The following ARMH3 variants were observed in gnomAD, a reference collection of about 807,000 sequenced individuals.
ARMH3 encodes the protein armadillo like helical domain containing 3.
Under a neutral mutation model 99.1 loss-of-function variants are expected in ARMH3, and 60 were observed. That is an observed-to-expected ratio of 0.61 (90% CI 0.49 to 0.75). The LOEUF is 0.75. Among genes scored for constraint, ARMH3 ranks in the 30% least tolerant of loss-of-function variants. The probability of loss-of-function intolerance (pLI) is 0.00; values close to 1 mark genes in which losing one functional copy is unlikely to be tolerated. For missense variants in ARMH3, 679 were observed against 843.1 expected, an observed-to-expected ratio of 0.81 and a Z score of 2.41; for synonymous variants, 285 against 292.8, an observed-to-expected ratio of 0.97 and a Z score of 0.27.
intron 23 of ARMH3, among the ~76,000 whole-genome samples, chr10:101,931,356 C>T (rs1269970954): frequency 6.6e-6 from 1 of 152,078 alleles, no homozygotes; most frequent in Non-Finnish European, 1.5e-5. Flanking sequence ...AACCCTGTCT[C>T]TACTAAAAAT....
Position 102,040,053 on chromosome 10 carries a change from AG to A in ARMH3, c.61del (p.Leu21Ter). On this transcript the variant is annotated frameshift_variant, in exon 2 of 26. Coordinates refer to ENST00000370033, the MANE Select transcript of ARMH3 (RefSeq NM_024541.3). LOFTEE classifies it high-confidence loss of function. ...ATACATCAGCACCACTTTTTCCTTC[AG>A]TGGTTTTTTGGAGGCTGAAGATTTC... is the stretch of plus-strand genomic sequence containing the variant. ...LRKSSASKKP[L>X]KEKVVLMYDE... The A allele has an allele frequency of 6.2e-7, 1 of 1,614,190 alleles. No individual in the cohort carries two copies. The highest frequency in any genetic ancestry group is 8.5e-7 in the Non-Finnish European group (1 of 1,180,028).
intron 5 of ARMH3, among the ~76,000 whole-genome samples, chr10:102,028,864 TAC>T (rs2067059144): frequency 6.6e-6 from 1 of 152,190 alleles, no homozygotes; most frequent in African/African-American, 2.4e-5. Flanking sequence ...CACTGGATTG[TAC>T]ACTTTATTTA....
At chr10:102,001,334 C>T (rs2066357143) in intron 15 of ARMH3, among the ~76,000 whole-genome samples, 1 of 152,126 alleles carries the variant, frequency 6.6e-6, no homozygotes, top group Admixed American at 6.5e-5. Context: ...TGCTGTGTCT[C>T]CTTCCAACCC....
intron 22 of ARMH3, 132 bp downstream of exon 22, chr10:101,956,465 A>G (rs535668736): frequency 1.4e-5 from 16 of 1,174,508 alleles, no homozygotes; most frequent in Admixed American, 2.4e-5. Context: ...GCCTGAGAAG[A>G]GGAGACTACT....
chr10:101,876,239 C>T lies in ARMH3; in HGVS notation c.1860+13173G>A, dbSNP rs556057534. Among the ~76,000 whole-genome samples the T allele has an allele frequency of 1.8e-4, 20 of 111,694 alleles. No individual in the cohort carries two copies. In the East Asian group the frequency reaches 4.8e-3, roughly 27 times the overall value. The allele number at this position is 111,694 out of a possible 152,430, so 73.3% of individuals were successfully genotyped here. On this transcript the variant is annotated intron_variant, in intron 24 of 25. Transcript: ENST00000370033. ...ACTCCAGCCTGGCGACAGAGCAAGG[C>T]TCCATCTCAAAAAAAAAAAAAAAAA...
intron 23 of ARMH3, among the ~76,000 whole-genome samples, chr10:101,917,553 T>C (rs540053107): frequency 7.2e-5 from 11 of 152,250 alleles, no homozygotes; most frequent in Non-Finnish European, 1.0e-4. Context: ...AAAGCCACTA[T>C]AAACATTTGT....
chr10:101,921,141 T>C (rs1201253562), intron 23 of ARMH3, among the ~76,000 whole-genome samples: 1 of 152,186 alleles, frequency 6.6e-6, no homozygotes, highest in Non-Finnish European at 1.5e-5. Context: ...CTTACCACAA[T>C]TTAAAATCTT....
chr10:102,051,128 C>T (rs774090722), intron 1 of ARMH3, among the ~76,000 whole-genome samples: 3 of 144,798 alleles, frequency 2.1e-5, no homozygotes, highest in Non-Finnish European at 3.0e-5. Flanking sequence ...GTACTCCACC[C>T]TGCTGGGCGA....
Position 101,990,480 on chromosome 10 carries a change from C to T in ARMH3, c.1406+71G>A. On this transcript the variant is annotated intron_variant, in intron 19 of 25. Transcript: ENST00000370033. ...GCCATGGCGCCCGGCCTACACAGAC[C>T]ATGAATTTTCTAACATTCAGTTCTT... The T allele has an allele frequency of 2.3e-6, 3 of 1,283,998 alleles. No individual in the cohort carries two copies. The East Asian group carries it at 7.0e-5, about 30-fold the overall frequency. 79.5% of individuals were successfully genotyped at this position (1,283,998 alleles called of 1,614,324 possible).
At chr10:101,884,426 A>G (rs1214857587) in intron 24 of ARMH3, among the ~76,000 whole-genome samples, 1 of 152,188 alleles carries the variant, frequency 6.6e-6, no homozygotes, top group Non-Finnish European at 1.5e-5. Context: ...TCAGTTGAAG[A>G]GGGGACAAGG....
At chr10:102,018,826 G>A (rs759917534) in intron 8 of ARMH3, among the ~76,000 whole-genome samples, 2 of 152,004 alleles carry the variant, frequency 1.3e-5, no homozygotes, top group African/African-American at 2.4e-5. Context: ...GCATGGTGGC[G>A]CATGCCTGTA....
At chr10:101,867,976 T>TAA (rs77797881) in intron 24 of ARMH3, among the ~76,000 whole-genome samples, 1 of 133,468 alleles carries the variant, frequency 7.5e-6, no homozygotes. Context: ...CTGTTTCTAT[T>TAA]AAAAAAAAAA....
At chr10:101,894,843 A>G (rs1052825429) in intron 23 of ARMH3, among the ~76,000 whole-genome samples, 5 of 147,974 alleles carry the variant, frequency 3.4e-5, no homozygotes, top group African/African-American at 5.0e-5. Flanking sequence ...ACTTCACTCC[A>G]GCCTGGGCAA....
At chr10:101,850,753 C>T (rs1318048557) in intron 24 of ARMH3, among the ~76,000 whole-genome samples, 1 of 152,132 alleles carries the variant, frequency 6.6e-6, no homozygotes, top group African/African-American at 2.4e-5. Flanking sequence ...TATTCCCTGC[C>T]TTTCCTGACC....
chr10:101,861,584 G>C (rs2066869761), intron 24 of ARMH3, among the ~76,000 whole-genome samples: 1 of 151,498 alleles, frequency 6.6e-6, no homozygotes, highest in Non-Finnish European at 1.5e-5. Flanking sequence ...ACAAAAATTA[G>C]CTGGGCATAG....
chr10:101,943,271 C>A (rs959890271), intron 22 of ARMH3, among the ~76,000 whole-genome samples: 1 of 152,128 alleles, frequency 6.6e-6, no homozygotes, highest in Non-Finnish European at 1.5e-5. Flanking sequence ...AAGAAACTAC[C>A]CAAGGCCGAG....
chr10:101,938,550 T>C (rs1396819030), intron 23 of ARMH3, among the ~76,000 whole-genome samples: 1 of 152,172 alleles, frequency 6.6e-6, no homozygotes, highest in Non-Finnish European at 1.5e-5. Flanking sequence ...AATACATGAA[T>C]GAGTCAACAC....
intron 23 of ARMH3, among the ~76,000 whole-genome samples, chr10:101,908,606 C>A (rs1020593628): frequency 1.3e-5 from 2 of 151,554 alleles, no homozygotes; most frequent in Admixed American, 1.3e-4. Context: ...GTTATGATTA[C>A]ATAAATCAGA....
intron 23 of ARMH3, among the ~76,000 whole-genome samples, chr10:101,917,846 C>T (rs1843147575): frequency 6.6e-6 from 1 of 152,130 alleles, no homozygotes; most frequent in Non-Finnish European, 1.5e-5. Flanking sequence ...AATACAAATG[C>T]TAAATATGCC....
Sources: gnomAD v4.1 joint callset for allele counts (sites outside exome capture counted in the v4.1 genomes callset) on GRCh38, gnomAD v4.1.1 for gene constraint, MANE v1.5 for transcripts, NCBI Gene and HGNC (gene_info 2026-07-23, HGNC 2026-07-21) for gene names.